TECTA: variants seen among roughly 807,000 people sequenced by gnomAD.
TECTA encodes alpha-tectorin.
Under a neutral mutation model 216.8 loss-of-function variants are expected in TECTA, and 128 were observed. That is an observed-to-expected ratio of 0.59 (90% CI 0.51 to 0.68). The LOEUF (loss-of-function observed/expected upper bound fraction) is 0.68. Ranked by LOEUF, TECTA falls within the 30% of genes least tolerant of loss-of-function variation. The pLI is 0.00. For missense variants in TECTA, 2,551 were observed against 2,786.2 expected, an observed-to-expected ratio of 0.92 and a Z score of 1.90; for synonymous variants, 1,089 against 1,117.1, an observed-to-expected ratio of 0.97 and a Z score of 0.50.
At chr11:121,159,179 G>A (rs1338519071) in intron 14 of TECTA, among the ~76,000 whole-genome samples, 1 of 152,226 alleles carries the variant, frequency 6.6e-6, no homozygotes, top group African/African-American at 2.4e-5. Flanking sequence ...AGGCAAAAGA[G>A]CAGCAGTATT....
At chr11:121,183,493 G>A (rs772623063) in intron 20 of TECTA, among the ~76,000 whole-genome samples, 4 of 152,130 alleles carry the variant, frequency 2.6e-5, no homozygotes, top group Admixed American at 1.3e-4. Context: ...TTCCCATATT[G>A]GGAAGTTTCT....
Position 121,187,878 on chromosome 11 carries a change from G to A in TECTA, c.6046G>A (p.Val2016Ile), listed in dbSNP as rs765742951. ...CACCATTGGCATCGAGGAGAATGCA[G>A]TCTCCCTGACCTGTCGCTTTCACGT... is the stretch of plus-strand genomic sequence containing the variant. The part of the protein sequence containing the change: ...DNTIGIEENA[V>I]SLTCRFHVTV... Residue 2016 changes from valine to isoleucine, a missense_variant, in exon 21 of 24, where the codon GTC becomes ATC. Transcript: ENST00000392793. 1.5e-5 allele frequency: 25 copies of A among 1,614,108 alleles called. No individual in the cohort carries two copies. The Admixed American group carries it at 3.7e-4, about 24-fold the overall frequency.
chr11:121,188,973 T>C (rs757848285), intron 21 of TECTA, 107 bp from the exon 22 acceptor site: 3 of 1,103,804 alleles, frequency 2.7e-6, no homozygotes, highest in Non-Finnish European at 4.1e-6. Flanking sequence ...TGAGCCTCCA[T>C]AATGCTTGAG....
At chr11:121,168,006 A>G in intron 18 of TECTA, 48 bp from the exon 19 acceptor site, 2 of 1,609,720 alleles carry the variant, frequency 1.2e-6, no homozygotes, top group Non-Finnish European at 1.7e-6. Flanking sequence ...TGCAAGCTAC[A>G]TACTCACTCC....
chr11:121,184,802 G>A (rs1947264612), intron 20 of TECTA, among the ~76,000 whole-genome samples: 4 of 152,176 alleles, frequency 2.6e-5, no homozygotes, highest in Admixed American at 6.5e-5. Flanking sequence ...CCTCACTAAG[G>A]TATTTGTATT....
At position 121,166,839 on chromosome 11, in the gene TECTA, C is replaced by T. The variant is rs147957600; in HGVS notation, c.5586+59C>T. 4.1e-4 allele frequency: 661 copies of T among 1,598,596 alleles called. 1 individual carries two copies. Among genetic ancestry groups the T allele is most frequent in the Non-Finnish European group, 4.7e-4 (550 of 1,174,190 alleles). On this transcript the variant is annotated intron_variant, in intron 18 of 23. Coordinates refer to ENST00000392793, the MANE Select transcript of TECTA (RefSeq NM_005422.4). ...AGGCAGCGACAGCTTCGAGTGTTTG[C>T]ACATTTATTGTCCTGAAAACCAACT...
intron 20 of TECTA, among the ~76,000 whole-genome samples, chr11:121,179,433 G>A (rs1217490863): frequency 6.6e-6 from 1 of 152,024 alleles, no homozygotes; most frequent in Non-Finnish European, 1.5e-5. Flanking sequence ...AATTTGTCAG[G>A]ACTTGGTTTT....
At chr11:121,146,279 C>T (rs1946838275) in intron 12 of TECTA, 163 bp downstream of exon 12, 1 of 781,170 alleles carries the variant, frequency 1.3e-6, no homozygotes, top group Admixed American at 2.1e-5. Flanking sequence ...TGACATGTAA[C>T]CTCTTGGAGC....
At position 121,189,067 on chromosome 11, in the gene TECTA, T is replaced by C. The variant is rs755918954; in HGVS notation, c.6163-13T>C. 3.7e-6 allele frequency: 6 copies of C among 1,613,836 alleles called. No individual in the cohort carries two copies. The Admixed American group carries it at 1.0e-4, about 27-fold the overall frequency. ...ATTGTGTGAAAATTTCCCCCTGGTA[T>C]TCTGTCTTGCAGACTTGCCCACACA... is the stretch of plus-strand genomic sequence containing the variant. On this transcript the variant is annotated splice_polypyrimidine_tract_variant and intron_variant, in intron 21 of 23. Transcript: ENST00000392793.
At position 121,130,594 on chromosome 11, in the gene TECTA, A is replaced by G. The variant is rs184007974; in HGVS notation, c.2941+383A>G. On this transcript the variant is annotated intron_variant, in intron 10 of 23. Coordinates refer to ENST00000392793, the MANE Select transcript of TECTA (RefSeq NM_005422.4). ...TTGATAGGAAGTGATCGGCCAGGGC[A>G]CCTTTGGGGCATGGAGATTAGCATG... 1.1e-4 allele frequency among the ~76,000 whole-genome samples: 17 copies of G among 152,252 alleles called. No individual in the cohort carries two copies. In the East Asian group the frequency reaches 3.3e-3, roughly 29 times the overall value.
chr11:121,103,384 T>C (rs1946364046), intron 2 of TECTA, among the ~76,000 whole-genome samples: 1 of 152,172 alleles, frequency 6.6e-6, no homozygotes, highest in Non-Finnish European at 1.5e-5. Context: ...TTCTTTACCT[T>C]GCGAGTTTGT....
intron 12 of TECTA, among the ~76,000 whole-genome samples, chr11:121,152,644 G>A (rs1278229558): frequency 6.6e-6 from 1 of 152,154 alleles, no homozygotes; most frequent in Non-Finnish European, 1.5e-5. Context: ...GGACGACCAT[G>A]ATGTGAGAAG....
At chr11:121,190,085 T>C (rs1332633950) in intron 23 of TECTA, 2 of 581,926 alleles carry the variant, frequency 3.4e-6, no homozygotes, top group Non-Finnish European at 6.1e-6. Context: ...AAAAAAACCT[T>C]GCTCTTTCAT....
Position 121,128,101 on chromosome 11 carries a change from G to T in TECTA, c.2124G>T (p.Lys708Asn). 1.2e-6 allele frequency: 2 copies of T among 1,612,896 alleles called. No homozygotes were observed. Among genetic ancestry groups the T allele is most frequent in the Non-Finnish European group, 8.5e-7 (1 of 1,179,774 alleles). ...VEDGYQGCFPKRETVCLLSQN... is the reference protein window; with the variant it reads ...VEDGYQGCFPNRETVCLLSQN... ...ACGGCTACCAGGGCTGCTTCCCCAA[G>T]CGGGAGACCGTGTGCCTGCTCAGCC... Residue 708 changes from lysine to asparagine, a missense_variant, in exon 9 of 24, where the codon AAG (lysine) becomes AAT (asparagine). Transcript: ENST00000392793.
At chr11:121,169,094 A>G (rs533124192) in intron 20 of TECTA, among the ~76,000 whole-genome samples, 169 bp downstream of exon 20, 1 of 152,228 alleles carries the variant, frequency 6.6e-6, no homozygotes, top group Non-Finnish European at 1.5e-5. Flanking sequence ...GGTAGATATT[A>G]TAGGCCTCAT....
intron 7 of TECTA, among the ~76,000 whole-genome samples, chr11:121,121,553 A>G (rs189970611): frequency 6.6e-6 from 1 of 152,118 alleles, no homozygotes; most frequent in African/African-American, 2.4e-5. Context: ...CTATAGGGAG[A>G]GTGAAAGGGG....
At chr11:121,156,717 AC>A (rs1267921431) in intron 13 of TECTA, among the ~76,000 whole-genome samples, 1 of 151,156 alleles carries the variant, frequency 6.6e-6, no homozygotes, top group African/African-American at 2.4e-5. Flanking sequence ...CTTATCTGAA[AC>A]CCCTGGGCTC....
intron 20 of TECTA, among the ~76,000 whole-genome samples, chr11:121,178,446 G>A (rs1049138590): frequency 1.3e-5 from 2 of 151,360 alleles, no homozygotes; most frequent in Non-Finnish European, 2.9e-5. Context: ...TTTTTGATGT[G>A]TTGTTAGATT....
chr11:121,158,553 C>G (rs951975074), intron 14 of TECTA, among the ~76,000 whole-genome samples: 2 of 152,198 alleles, frequency 1.3e-5, no homozygotes, highest in African/African-American at 4.8e-5. Context: ...AAAAGCATCT[C>G]ATTTGTTTTT....
Sources: gnomAD v4.1 joint callset for allele counts (sites outside exome capture counted in the v4.1 genomes callset) on GRCh38, gnomAD v4.1.1 for gene constraint, MANE v1.5 for transcripts, NCBI Gene and HGNC (gene_info 2026-07-23, HGNC 2026-07-21) for gene names.